Variants in DDHD1 observed in about 807,000 individuals in gnomAD.
DDHD1 encodes DDHD domain containing 1, also known as phospholipase DDHD1.
Under a neutral mutation model 96.4 loss-of-function variants are expected in DDHD1, and 49 were observed. The observed-to-expected ratio is 0.51, with a 90% CI of 0.40 to 0.64. The LOEUF is 0.64. Ranked by LOEUF, DDHD1 falls within the 30% of genes least tolerant of loss-of-function variation. DDHD1 has a pLI of 0.00. For missense variants in DDHD1, 1,106 were observed against 1,161.2 expected, an observed-to-expected ratio of 0.95 and a Z score of 0.69; for synonymous variants, 442 against 446.5, an observed-to-expected ratio of 0.99 and a Z score of 0.13.
intron 1 of DDHD1, among the ~76,000 whole-genome samples, chr14:53,145,155 T>C (rs1302255872): frequency 6.6e-6 from 1 of 151,512 alleles, no homozygotes; most frequent in East Asian, 1.9e-4. Flanking sequence ...ATCTCAAAAA[T>C]AATAAAAAAA....
chr14:53,128,900 C>A (rs1889660142), intron 1 of DDHD1, among the ~76,000 whole-genome samples: 1 of 152,218 alleles, frequency 6.6e-6, no homozygotes, highest in Non-Finnish European at 1.5e-5. Flanking sequence ...GACCTTATGA[C>A]AATACACCCT....
Position 53,046,930 on chromosome 14 carries a change from A to G in DDHD1, c.2541T>C (p.Ile847=), listed in dbSNP as rs539889476. The G allele has an allele frequency of 8.1e-6, 13 of 1,608,042 alleles. No homozygotes were observed. The South Asian group carries it at 1.1e-4, about 14-fold the overall frequency. The stretch of plus-strand genomic sequence containing the variant: ...CAAGGCCTTCTCTGAGTTCAAAATC[A>G]ATCCTGTGATCCAACTCCACTAAAA... The part of the protein sequence containing the change: ...DNALVELDHR[I]DFELREGLVE... Residue 847 remains isoleucine, a synonymous_variant, in exon 13 of 13, where the codon ATT becomes ATC. Transcript: ENST00000673822.
intron 2 of DDHD1, 56 bp downstream of exon 2, chr14:53,103,626 CT>C (rs1790263274): frequency 7.2e-7 from 1 of 1,390,558 alleles, no homozygotes; most frequent in South Asian, 1.6e-5. Flanking sequence ...CCACTCTAAA[CT>C]TTATCAACAA....
chr14:53,092,239 CTG>C (rs972127781), intron 3 of DDHD1: 3 of 193,614 alleles, frequency 1.5e-5, no homozygotes, highest in African/African-American at 7.0e-5. Flanking sequence ...AAATGGCAAA[CTG>C]GAAAAAAATA....
chr14:53,047,193 A>C (rs1055446161), intron 12 of DDHD1, among the ~76,000 whole-genome samples: 8 of 142,174 alleles, frequency 5.6e-5, no homozygotes, highest in Non-Finnish European at 1.0e-4. Flanking sequence ...AAAGGAAGAC[A>C]AAAAAAAATC....
chr14:53,145,960 A>AC (rs1890950312), intron 1 of DDHD1, among the ~76,000 whole-genome samples: 1 of 152,100 alleles, frequency 6.6e-6, no homozygotes, highest in African/African-American at 2.4e-5. Flanking sequence ...TAATCCCAGC[A>AC]CTTTGGGAGG....
intron 12 of DDHD1, among the ~76,000 whole-genome samples, chr14:53,051,518 GA>G (rs762493962): frequency 6.6e-6 from 1 of 151,888 alleles, no homozygotes; most frequent in Admixed American, 6.6e-5. Context: ...TGTATTAAAT[GA>G]AAAGAAATAG....
At chr14:53,114,113 T>C (rs908806048) in intron 1 of DDHD1, among the ~76,000 whole-genome samples, 2 of 152,208 alleles carry the variant, frequency 1.3e-5, no homozygotes, top group Non-Finnish European at 2.9e-5. Context: ...AGGTCTGGAC[T>C]GGGCGGAATT....
intron 4 of DDHD1, among the ~76,000 whole-genome samples, chr14:53,077,665 TTTTG>T (rs1462638053): frequency 3.4e-5 from 2 of 59,324 alleles, no homozygotes; most frequent in Admixed American, 2.2e-4. Flanking sequence ...TAGTTTTTGT[TTTTG>T]TTTTTTTTTT....
rs190501660 is a variant in DDHD1 at position 53,148,268 on chromosome 14, C to T, written c.838+3993G>A. On this transcript the variant is annotated intron_variant, in intron 1 of 12. Coordinates refer to ENST00000673822, the MANE Select transcript of DDHD1 (RefSeq NM_001160148.2). ...TAGTCAATGAATAGAAATCACACAA[C>T]TCCCTAGTGCAAACTGCACACATCA... is the stretch of plus-strand genomic sequence containing the variant. Among the ~76,000 whole-genome samples, 3 of 152,092 alleles carry T rather than the reference C, an allele frequency of 2.0e-5. No individual in the cohort carries two copies. The East Asian group carries it at 5.8e-4, about 29-fold the overall frequency.
intron 12 of DDHD1, chr14:53,048,839 A>T (rs1882276110): frequency 6.6e-6 from 1 of 152,228 alleles, no homozygotes; most frequent in African/African-American, 2.4e-5. Flanking sequence ...GCTCAAGCAC[A>T]ATGAAGATGA....
chr14:53,104,695 G>T (rs1195120985), intron 1 of DDHD1, among the ~76,000 whole-genome samples: 1 of 152,010 alleles, frequency 6.6e-6, no homozygotes, highest in Non-Finnish European at 1.5e-5. Flanking sequence ...AAGACTTTTA[G>T]TTGTTATTTA....
intron 2 of DDHD1, among the ~76,000 whole-genome samples, chr14:53,097,876 T>C (rs1887003747): frequency 1.3e-5 from 2 of 151,932 alleles, no homozygotes; most frequent in African/African-American, 4.8e-5. Context: ...GAAAAAAATT[T>C]TTTTCATCCT....
chr14:53,134,290 C>G (rs192863999), intron 1 of DDHD1, among the ~76,000 whole-genome samples: 1 of 152,126 alleles, frequency 6.6e-6, no homozygotes, highest in Non-Finnish European at 1.5e-5. Flanking sequence ...ACCATCATAG[C>G]GGATATCTCC....
chr14:53,153,299 T>G lies in DDHD1; in HGVS notation c.-201A>C. 4 of 414,270 alleles carry G rather than the reference T, an allele frequency of 9.7e-6. No homozygotes were observed. The highest frequency in any genetic ancestry group is 4.6e-5 in the Admixed American group (1 of 21,894). The allele number at this position is 414,270 out of a possible 1,614,324, so 25.7% of individuals were successfully genotyped here. ...AGCTGCGTTCTGCCGCCGGCCCCAT[T>G]GTCACGCAGCCCGACGTAGGCGGTG... On this transcript the variant is annotated 5_prime_UTR_variant, in exon 1 of 13. Coordinates refer to ENST00000673822, the MANE Select transcript of DDHD1 (RefSeq NM_001160148.2).
chr14:53,123,115 G>GTTGTTA (rs1212862445), intron 1 of DDHD1, among the ~76,000 whole-genome samples: 159 of 138,450 alleles, frequency 1.1e-3, no homozygotes, highest in African/African-American at 4.1e-3. Context: ...GATAATTGCT[G>GTTGTTA]TTATTATTAT....
chr14:53,085,774 G>T (rs182262930), intron 4 of DDHD1, among the ~76,000 whole-genome samples: 216 of 152,282 alleles, frequency 1.4e-3, no homozygotes, highest in African/African-American at 5.0e-3. Flanking sequence ...CACCAGCAAT[G>T]GAACAAAGCT....
At chr14:53,107,850 A>G (rs1887811889) in intron 1 of DDHD1, among the ~76,000 whole-genome samples, 1 of 152,156 alleles carries the variant, frequency 6.6e-6, no homozygotes, top group African/African-American at 2.4e-5. Context: ...CTTGCAACTT[A>G]GCTCACACCC....
intron 12 of DDHD1, among the ~76,000 whole-genome samples, chr14:53,047,393 C>T (rs920445918): frequency 3.9e-5 from 6 of 152,174 alleles, no homozygotes; most frequent in Non-Finnish European, 8.8e-5. Flanking sequence ...TAGGGAGGCC[C>T]TATATATCCA....
Sources: allele counts gnomAD v4.1 joint callset (sites outside exome capture counted in the v4.1 genomes callset), GRCh38; gene constraint gnomAD v4.1.1; transcripts MANE v1.5; gene names NCBI Gene and HGNC (gene_info 2026-07-23, HGNC 2026-07-21).